Variants in MPRIP observed in about 807,000 individuals in gnomAD.
The protein encoded by MPRIP is myosin phosphatase Rho interacting protein.
MPRIP carries 59 observed loss-of-function variants against 234.9 expected under a neutral mutation model. The observed-to-expected ratio is 0.25, with a 90% confidence interval of 0.20 to 0.31. The LOEUF is 0.31. Ranked by LOEUF, MPRIP falls within the 10% of genes least tolerant of loss-of-function variation. MPRIP has a pLI of 1.00. For missense variants in MPRIP, 2,436 were observed against 3,071.0 expected (o/e 0.79, Z 4.89); for synonymous variants, 1,144 against 1,263.9 (o/e 0.91, Z 2.01).
chr17:17,175,535 G>T lies in MPRIP; in HGVS notation c.6870+123G>T, dbSNP rs2292529. ...CAGACCTGAGACAGCAGGAGTCACA[G>T]GGTCCAGGAAGATCCAAATCACCCG... On this transcript the variant is annotated intron_variant, in intron 20 of 23. Coordinates refer to ENST00000651222, the MANE Select transcript of MPRIP (RefSeq NM_001364716.4). The T allele has an allele frequency of 1.6e-5, 21 of 1,304,720 alleles. 2 individuals carry two copies. In the Middle Eastern group the frequency reaches 3.8e-3, roughly 237 times the overall value. 80.8% of individuals were successfully genotyped at this position (1,304,720 alleles called of 1,614,324 possible). A position where few individuals can be genotyped will look rare whatever the true frequency, so the allele number is the denominator to read the frequency against.
rs1172721101 is a variant in MPRIP, at chr17:17,188,906, A to C, written c.*4012A>C. Reference sequence around the variant, plus strand: ...TTTGGCCTCCTAGGTTTTGCATATGACCTGCAGCCTAATTTGGGGTGTAGG... The same window carrying C: ...TTTGGCCTCCTAGGTTTTGCATATGCCCTGCAGCCTAATTTGGGGTGTAGG... On this transcript the variant is annotated 3_prime_UTR_variant, in exon 24 of 24. Transcript: ENST00000651222. 1 of 152,166 alleles carries C rather than the reference A, an allele frequency of 6.6e-6. No individual in the cohort carries two copies. Among genetic ancestry groups the C allele is most frequent in the Non-Finnish European group, 1.5e-5 (1 of 68,042 alleles). The allele number at this position is 152,166 out of a possible 1,614,324, so 9.4% of individuals were successfully genotyped here.
At position 17,126,817 on chromosome 17, in the gene MPRIP, A is replaced by T. The variant is rs1427854498; in HGVS notation, c.383A>T (p.His128Leu). The change falls in exon 4 of 24, where the codon CAT (histidine) becomes CTT (leucine). Residue 128 changes from histidine (H) to leucine (L), a missense_variant. Transcript: ENST00000651222. Reference protein sequence around the residue: ...SLCILTPEKEHFIRAETKEIV... With the variant: ...SLCILTPEKELFIRAETKEIV... ...TGTATTCTGACGCCTGAGAAGGAGCATTTCATCCGGGCGGAGACCAAGGAG... is the reference window on the plus strand; with the variant it reads ...TGTATTCTGACGCCTGAGAAGGAGCTTTTCATCCGGGCGGAGACCAAGGAG... The T allele has an allele frequency of 6.2e-7, 1 of 1,614,186 alleles. No homozygotes were observed. Among genetic ancestry groups the T allele is most frequent in the Non-Finnish European group, 8.5e-7 (1 of 1,180,014 alleles).
chr17:17,111,625 C>T (rs1055928587), intron 3 of MPRIP, among the ~76,000 whole-genome samples: 1 of 152,208 alleles, frequency 6.6e-6, no homozygotes, highest in African/African-American at 2.4e-5. Context: ...GCCAGCGTCC[C>T]TCTTGGGACC....
intron 4 of MPRIP, 31 bp downstream of exon 4, chr17:17,126,884 C>A (rs1020123811): frequency 6.3e-7 from 1 of 1,599,908 alleles, no homozygotes; most frequent in Non-Finnish European, 8.5e-7. Flanking sequence ...GAACAAGGCA[C>A]CACCACCTGC....
chr17:17,110,397 C>T lies in MPRIP; in HGVS notation c.268-16305C>T, dbSNP rs191362218. On this transcript the variant is annotated intron_variant, in intron 3 of 23. Coordinates refer to ENST00000651222, the MANE Select transcript of MPRIP (RefSeq NM_001364716.4). Reference sequence around the variant, plus strand: ...AGACAAGATATAAAATCCACAAGTCCGTATTGGCATAAGGAAATCATTTAG... The same window carrying T: ...AGACAAGATATAAAATCCACAAGTCTGTATTGGCATAAGGAAATCATTTAG... Among the ~76,000 whole-genome samples the T allele has an allele frequency of 2.8e-3, 433 of 152,216 alleles. 2 individuals carry two copies. The highest frequency in any genetic ancestry group is 6.0e-3 in the South Asian group (29 of 4,826).
intron 13 of MPRIP, among the ~76,000 whole-genome samples, 171 bp from the exon 14 acceptor site, chr17:17,158,261 G>T (rs529017729): frequency 2.9e-4 from 44 of 152,262 alleles, no homozygotes; most frequent in African/African-American, 1.0e-3. Flanking sequence ...AGGGATGTGG[G>T]GTAAAGGCAG....
At chr17:17,081,384 A>G (rs896356988) in intron 3 of MPRIP, among the ~76,000 whole-genome samples, 7 of 152,238 alleles carry the variant, frequency 4.6e-5, no homozygotes, top group African/African-American at 4.8e-5. Flanking sequence ...TTGCTGCGTA[A>G]TTTCTGCTCC....
At position 17,078,571 on chromosome 17, in the gene MPRIP, C is replaced by T. The variant is rs2089389532; in HGVS notation, c.267+495C>T. Among the ~76,000 whole-genome samples the T allele has an allele frequency of 6.6e-6, 1 of 152,188 alleles. No homozygotes were observed. Among genetic ancestry groups the T allele is most frequent in the Non-Finnish European group, 1.5e-5 (1 of 68,022 alleles). Reference sequence around the variant, plus strand: ...GAGCTGACTTCAGAGGCCTCCTGGTCACAAGGTCATCGTTCTTCTGGTCAC... The same window carrying T: ...GAGCTGACTTCAGAGGCCTCCTGGTTACAAGGTCATCGTTCTTCTGGTCAC... On this transcript the variant is annotated intron_variant, in intron 3 of 23. Transcript: ENST00000651222. The surrounding 1 kb of genome is among the most constrained non-coding windows in gnomAD (Gnocchi z 4.3).
At position 17,164,924 on chromosome 17, in the gene MPRIP, A is replaced by G. The variant is rs559945923; in HGVS notation, c.3333A>G (p.Arg1111=). The G allele has an allele frequency of 7.7e-7, 1 of 1,303,882 alleles. No individual in the cohort carries two copies. The highest frequency in any genetic ancestry group is 1.0e-6 in the Non-Finnish European group (1 of 988,772). 80.8% of individuals were successfully genotyped at this position (1,303,882 alleles called of 1,614,324 possible). A position where few individuals can be genotyped will look rare whatever the true frequency, so the allele number is the denominator to read the frequency against. Residue 1111 remains arginine (R), a synonymous_variant, in exon 16 of 24, where the codon AGA becomes AGG. Transcript: ENST00000651222. The part of the protein sequence containing the change: ...QSLCDERDLL[R]QRFQELTERV... ...TCTGTGACGAGCGGGACCTCCTCAG[A>G]CAGCGGTTCCAGGAGCTGACAGAGC...
chr17:17,065,636 T>C (rs1293651601), intron 1 of MPRIP, among the ~76,000 whole-genome samples: 6 of 152,172 alleles, frequency 3.9e-5, no homozygotes, highest in Non-Finnish European at 5.9e-5. Flanking sequence ...TTTTTTAAAT[T>C]AAAAATATTC....
At chr17:17,074,465 G>A (rs187752732) in intron 1 of MPRIP, among the ~76,000 whole-genome samples, 11 of 152,188 alleles carry the variant, frequency 7.2e-5, no homozygotes, top group Admixed American at 2.6e-4. Context: ...AGTGTTCTTT[G>A]TGCAGCTTTT....
intron 3 of MPRIP, among the ~76,000 whole-genome samples, chr17:17,102,479 G>A (rs1259548274): frequency 2.0e-5 from 3 of 152,258 alleles, no homozygotes; most frequent in Admixed American, 6.5e-5. Context: ...TTGTGATGGG[G>A]CAGGTGATCG....
chr17:17,140,736 G>A (rs775063114), intron 7 of MPRIP, among the ~76,000 whole-genome samples: 4 of 152,186 alleles, frequency 2.6e-5, no homozygotes, highest in Non-Finnish European at 5.9e-5. Flanking sequence ...CTTCCAGAGT[G>A]TTTCTTGGAT....
At chr17:17,080,379 C>A (rs569625088) in intron 3 of MPRIP, among the ~76,000 whole-genome samples, 1 of 152,222 alleles carries the variant, frequency 6.6e-6, no homozygotes, top group Non-Finnish European at 1.5e-5. Context: ...GGTCAACCGC[C>A]CTGAGCTGAG....
rs999908596 is a variant in MPRIP at position 17,165,802 on chromosome 17, T to C, written c.4211T>C (p.Leu1404Pro). The change falls in exon 16 of 24, where the codon CTG becomes CCG. Residue 1404 changes from leucine (L) to proline (P), a missense_variant. This residue lies in a region of MPRIP where 1,998 missense variants were observed against 2,520.3 expected (regional missense o/e 0.79). Transcript: ENST00000651222. ...EEKLKDVTVRLESQQGQSREA... is the reference protein window; with the variant it reads ...EEKLKDVTVRPESQQGQSREA... ...AAGCTCAAAGACGTGACCGTGAGGC[T>C]GGAGAGCCAGCAGGGTCAGAGCCGT... The C allele has an allele frequency of 1.5e-6, 2 of 1,304,234 alleles. No homozygotes were observed. Among genetic ancestry groups the C allele is most frequent in the Non-Finnish European group, 2.0e-6 (2 of 988,914 alleles). 80.8% of individuals were successfully genotyped at this position (1,304,234 alleles called of 1,614,324 possible).
intron 3 of MPRIP, among the ~76,000 whole-genome samples, chr17:17,106,647 G>A (rs957946346): frequency 6.6e-6 from 1 of 152,196 alleles, no homozygotes; most frequent in Non-Finnish European, 1.5e-5. Context: ...ATGCAGAGCT[G>A]TTTAGTCTGG....
intron 3 of MPRIP, among the ~76,000 whole-genome samples, chr17:17,099,373 A>C (rs935471971): frequency 4.6e-5 from 7 of 152,222 alleles, no homozygotes; most frequent in African/African-American, 2.4e-5. Flanking sequence ...GAAATGTGAA[A>C]AGTCCTCCTT....
intron 7 of MPRIP, among the ~76,000 whole-genome samples, chr17:17,140,603 A>G (rs1325113680): frequency 6.6e-6 from 1 of 152,196 alleles, no homozygotes; most frequent in East Asian, 1.9e-4. Flanking sequence ...GGCAGCCACA[A>G]TAGGTGTGCC....
chr17:17,043,068 C>CA, intron 1 of MPRIP, 97 bp downstream of exon 1: 1 of 1,219,650 alleles, frequency 8.2e-7, no homozygotes, highest in Non-Finnish European at 1.2e-6. Context: ...AAAAATGGAG[C>CA]AGGGAAATGC....
Sources: allele counts gnomAD v4.1 joint callset (sites outside exome capture counted in the v4.1 genomes callset), GRCh38; gene constraint gnomAD v4.1.1; regional missense constraint gnomAD v4.1.1; non-coding constraint Gnocchi (gnomAD v3.1); transcripts MANE v1.5; gene names NCBI Gene and HGNC (gene_info 2026-07-23, HGNC 2026-07-21).